Variants in SLC25A13 observed in about 807,000 individuals in gnomAD.
The protein encoded by SLC25A13 is electrogenic aspartate/glutamate antiporter SLC25A13, mitochondrial.
SLC25A13 carries 70 observed loss-of-function variants against 85.5 expected under a neutral mutation model. The ratio of observed to expected loss-of-function variants is 0.82; its 90% CI spans 0.68 to 1.00. The LOEUF is 1.00. Among genes scored for constraint, SLC25A13 ranks in the 50% least tolerant of loss-of-function variants. SLC25A13 has a pLI of 0.00. For missense variants in SLC25A13, 765 were observed against 819.8 expected, an observed-to-expected ratio of 0.93 and a Z score of 0.82; for synonymous variants, 259 against 288.7, an observed-to-expected ratio of 0.90 and a Z score of 1.04.
intron 5 of SLC25A13, among the ~76,000 whole-genome samples, chr7:96,194,496 C>G (rs190937513): frequency 1.6e-5 from 2 of 125,080 alleles, no homozygotes; most frequent in Non-Finnish European, 3.4e-5. Context: ...TCAAAAACTT[C>G]AAATTATTTG....
Position 96,171,474 on chromosome 7 carries a change from T to C in SLC25A13, c.1228A>G (p.Thr410Ala). 1 of 1,613,222 alleles carries C rather than the reference T, an allele frequency of 6.2e-7. No individual in the cohort carries two copies. Among genetic ancestry groups the C allele is most frequent in the Non-Finnish European group, 8.5e-7 (1 of 1,179,196 alleles). Residue 410 changes from threonine to alanine, a missense_variant and splice_region_variant, in exon 12 of 18, where the codon ACA (threonine) becomes GCA (alanine). Coordinates refer to ENST00000265631, the MANE Select transcript of SLC25A13 (RefSeq NM_014251.3). ...AAGCACCAACTCAAAAGACTTACTGTAAGTTTTATGGCCTTCTCTGGGGCA... is the reference window on the plus strand; with the variant it reads ...AAGCACCAACTCAAAAGACTTACTGCAAGTTTTATGGCCTTCTCTGGGGCA... ...GVAPEKAIKL[T>A]VNDFVRDKFM...
chr7:96,200,838 C>A (rs1017027811), intron 5 of SLC25A13, among the ~76,000 whole-genome samples: 1 of 152,198 alleles, frequency 6.6e-6, no homozygotes, highest in South Asian at 2.1e-4. Flanking sequence ...GGCTGCTCAA[C>A]AAAACAGCAA....
At chr7:96,158,046 T>C (rs1793356577) in intron 13 of SLC25A13, among the ~76,000 whole-genome samples, 1 of 152,154 alleles carries the variant, frequency 6.6e-6, no homozygotes, top group South Asian at 2.1e-4. Flanking sequence ...TGATAGGAAA[T>C]ATCAGTAGCC....
chr7:96,212,550 A>C (rs529464290), intron 4 of SLC25A13, among the ~76,000 whole-genome samples: 24 of 152,302 alleles, frequency 1.6e-4, no homozygotes, highest in African/African-American at 4.6e-4. Context: ...GAAAGGTGTC[A>C]AGGATTTACT....
intron 13 of SLC25A13, among the ~76,000 whole-genome samples, chr7:96,150,300 T>G (rs537142519): frequency 6.6e-6 from 1 of 152,312 alleles, no homozygotes; most frequent in African/African-American, 2.4e-5. Context: ...TGCTTTATTC[T>G]CATTCTCAAG....
chr7:96,142,408 C>T (rs191808845), intron 14 of SLC25A13, among the ~76,000 whole-genome samples: 2 of 152,308 alleles, frequency 1.3e-5, no homozygotes, highest in East Asian at 3.9e-4. Flanking sequence ...CCTGCAGCTG[C>T]ATCCATGTTG....
rs1800381154 is a variant in SLC25A13 at position 96,322,070 on chromosome 7, G to A, written c.-114C>T. On this transcript the variant is annotated 5_prime_UTR_variant, in exon 1 of 18. Transcript: ENST00000265631. ...CGGCGGCGGTGGGGGCGGCGATACG[G>A]CCAGGCAGCGTGCGTTCCTGGCCTG... The A allele has an allele frequency of 4.3e-6, 6 of 1,407,538 alleles. No individual in the cohort carries two copies. Among genetic ancestry groups the A allele is most frequent in the Non-Finnish European group, 5.8e-6 (6 of 1,036,388 alleles). 87.2% of individuals were successfully genotyped at this position (1,407,538 alleles called of 1,614,324 possible).
intron 14 of SLC25A13, among the ~76,000 whole-genome samples, chr7:96,139,945 CTTTTT>C (rs59749381): frequency 1.7e-4 from 15 of 86,364 alleles, no homozygotes; most frequent in African/African-American, 5.8e-4. Context: ...GATTTCCATT[CTTTTT>C]TTTTTTTTTT....
At chr7:96,314,403 C>T (rs1800057559) in intron 1 of SLC25A13, among the ~76,000 whole-genome samples, 1 of 152,094 alleles carries the variant, frequency 6.6e-6, no homozygotes, top group Admixed American at 6.6e-5. Context: ...TCTGGTTAAA[C>T]AGGCCATGAA....
intron 17 of SLC25A13, 45 bp downstream of exon 17, chr7:96,121,610 T>G: frequency 6.3e-7 from 1 of 1,584,064 alleles, no homozygotes; most frequent in East Asian, 2.2e-5. Context: ...CAACAGAGCA[T>G]TAGCAGCAGC....
At chr7:96,124,746 T>C (rs1192953762) in intron 15 of SLC25A13, among the ~76,000 whole-genome samples, 2 of 152,250 alleles carry the variant, frequency 1.3e-5, no homozygotes, top group Admixed American at 1.3e-4. Context: ...ACAGTGCTTG[T>C]GACTACTAGA....
intron 2 of SLC25A13, among the ~76,000 whole-genome samples, chr7:96,296,007 A>G (rs1799333692): frequency 6.6e-6 from 1 of 151,960 alleles, no homozygotes; most frequent in African/African-American, 2.4e-5. Flanking sequence ...CCTGAGACAG[A>G]CTTTTATTCT....
At chr7:96,273,945 T>C (rs1159019782) in intron 3 of SLC25A13, among the ~76,000 whole-genome samples, 1 of 152,184 alleles carries the variant, frequency 6.6e-6, no homozygotes, top group African/African-American at 2.4e-5. Flanking sequence ...AATGAACTAG[T>C]GTGAAATATA....
chr7:96,237,107 A>T (rs986394944), intron 3 of SLC25A13, among the ~76,000 whole-genome samples: 1 of 152,158 alleles, frequency 6.6e-6, no homozygotes, highest in Non-Finnish European at 1.5e-5. Flanking sequence ...TTCACCACCT[A>T]AACTCCACAC....
rs539705018 is a variant in SLC25A13, at chr7:96,243,241, CAGGTG to C, written c.213-8329_213-8325del. Among the ~76,000 whole-genome samples the C allele has an allele frequency of 7.2e-5, 11 of 152,346 alleles. No homozygotes were observed. In the East Asian group the frequency reaches 2.1e-3, roughly 29 times the overall value. ...TCAGCCTCCCAAAGTGCTGGGATTA[CAGGTG>C]TGAGCAACCACACCGGCCCCAGAGT... On this transcript the variant is annotated intron_variant, in intron 3 of 17. Transcript: ENST00000265631.
intron 5 of SLC25A13, among the ~76,000 whole-genome samples, chr7:96,203,872 A>G (rs1795358537): frequency 6.6e-6 from 1 of 152,238 alleles, no homozygotes; most frequent in African/African-American, 2.4e-5. Context: ...TTAGCAATGC[A>G]TGACTGGGCA....
At chr7:96,284,113 AAT>A (rs980116616) in intron 2 of SLC25A13, among the ~76,000 whole-genome samples, 15 of 152,084 alleles carry the variant, frequency 9.9e-5, no homozygotes, top group Non-Finnish European at 1.6e-4. Context: ...AAATAAAAAA[AAT>A]ATAGAAGCAC....
intron 4 of SLC25A13, among the ~76,000 whole-genome samples, chr7:96,216,205 G>A (rs888008411): frequency 6.6e-6 from 1 of 151,622 alleles, no homozygotes; most frequent in Non-Finnish European, 1.5e-5. Flanking sequence ...AATGAGATAC[G>A]ATCTCACACC....
intron 2 of SLC25A13, among the ~76,000 whole-genome samples, chr7:96,288,079 T>C (rs76865897): frequency 4.6e-5 from 7 of 152,302 alleles, no homozygotes; most frequent in Non-Finnish European, 8.8e-5. Context: ...AAGGAACAAA[T>C]GCTTTTCTGT....
Sources: allele counts gnomAD v4.1 joint callset (sites outside exome capture counted in the v4.1 genomes callset), GRCh38; gene constraint gnomAD v4.1.1; transcripts MANE v1.5; gene names NCBI Gene and HGNC (gene_info 2026-07-23, HGNC 2026-07-21).